Variants in CRTAP observed in about 807,000 individuals in gnomAD.
The protein encoded by CRTAP is cartilage associated protein.
CRTAP carries 33 observed loss-of-function variants against 42.7 expected under a neutral mutation model. The observed-to-expected ratio is 0.77, with a 90% confidence interval of 0.59 to 1.03. The LOEUF (loss-of-function observed/expected upper bound fraction) is 1.03. CRTAP is among the 50% of genes least tolerant of loss of function. CRTAP has a pLI of 0.00. For synonymous variants in CRTAP, 243 were observed against 217.7 expected, an observed-to-expected ratio of 1.12 and a Z score of -1.02; for missense variants, 613 against 533.9, an observed-to-expected ratio of 1.15 and a Z score of -1.46.
intron 1 of CRTAP, among the ~76,000 whole-genome samples, chr3:33,115,597 C>T (rs910737266): frequency 1.3e-5 from 2 of 152,114 alleles, no homozygotes; most frequent in African/African-American, 4.8e-5. Context: ...AGAGCCCTCT[C>T]AAAGCCCAGT....
intron 1 of CRTAP, among the ~76,000 whole-genome samples, chr3:33,116,137 C>T (rs1701340328): frequency 6.6e-6 from 1 of 152,090 alleles, no homozygotes; most frequent in East Asian, 1.9e-4. Flanking sequence ...CTAGAGAATA[C>T]TAGAACCTCT....
chr3:33,124,345 A>G, intron 2 of CRTAP, 63 bp from the exon 3 acceptor site: 1 of 1,604,818 alleles, frequency 6.2e-7, no homozygotes. Context: ...TCCCTTTGAG[A>G]TTTCATGACT....
chr3:33,114,511 G>A lies in CRTAP; in HGVS notation c.434G>A (p.Arg145His). The change falls in exon 1 of 7, where the codon CGC (arginine) becomes CAC (histidine). Residue 145 changes from arginine (R) to histidine (H), a missense_variant. Arg to His is a conservative substitution (Grantham distance 29, BLOSUM62 0). Transcript: ENST00000320954. Reference sequence around the variant, plus strand: ...GAGGTGCTGGCGGACTTCCAGCGCCGCGAGCCCTACAAGTTCCTGCAGTTC... The same window carrying A: ...GAGGTGCTGGCGGACTTCCAGCGCCACGAGCCCTACAAGTTCCTGCAGTTC... ...SREVLADFQR[R>H]EPYKFLQFAY... The A allele has an allele frequency of 6.2e-7, 1 of 1,603,758 alleles. No individual in the cohort carries two copies. The highest frequency in any genetic ancestry group is 8.5e-7 in the Non-Finnish European group (1 of 1,176,954).
Position 33,146,443 on chromosome 3 carries a change from C to G in CRTAP, c.*3995C>G, listed in dbSNP as rs1559439076. The G allele has an allele frequency of 6.6e-6, 1 of 152,318 alleles. No homozygotes were observed. Among genetic ancestry groups the G allele is most frequent in the Non-Finnish European group, 1.5e-5 (1 of 68,130 alleles). The allele number at this position is 152,318 out of a possible 1,614,324, so 9.4% of individuals were successfully genotyped here. ...ACTCCTTGTGGCCACTGCTACTGTTCACACTTGACTTGTGGAGAAGCGAAG... is the reference window on the plus strand; with the variant it reads ...ACTCCTTGTGGCCACTGCTACTGTTGACACTTGACTTGTGGAGAAGCGAAG... On this transcript the variant is annotated 3_prime_UTR_variant, in exon 7 of 7. Transcript: ENST00000320954.
At position 33,145,801 on chromosome 3, in the gene CRTAP, C is replaced by CACA. The variant is rs1394619493; in HGVS notation, c.*3354_*3355insCAA. On this transcript the variant is annotated 3_prime_UTR_variant, in exon 7 of 7. Transcript: ENST00000320954. This position sits in a 1 kb window ranked among gnomAD's most constrained non-coding sequence, Gnocchi z 4.3. ...GTGAGCCTGGGGTGAGCTCTCTGTA[C>CACA]ATGTTGTTGTTCCACGTATGGGTTG... 9.2e-5 allele frequency: 14 copies of CACA among 152,490 alleles called. No homozygotes were observed. Among genetic ancestry groups the CACA allele is most frequent in the African/African-American group, 2.7e-4 (11 of 41,500 alleles). 9.4% of individuals were successfully genotyped at this position (152,490 alleles called of 1,614,324 possible). A position where few individuals can be genotyped will look rare whatever the true frequency, so the allele number is the denominator to read the frequency against.
intron 6 of CRTAP, among the ~76,000 whole-genome samples, chr3:33,138,821 A>G (rs142613115): frequency 1.2e-4 from 18 of 152,260 alleles, no homozygotes; most frequent in African/African-American, 4.3e-4. Flanking sequence ...AGCCTGGGCA[A>G]CATAGCAAGA....
intron 6 of CRTAP, among the ~76,000 whole-genome samples, chr3:33,140,507 C>T (rs912553585): frequency 5.3e-5 from 8 of 152,148 alleles, no homozygotes; most frequent in Non-Finnish European, 1.2e-4. Context: ...CTTCCATTTT[C>T]CAAAGGACAT....
At chr3:33,137,763 A>G (rs1405642637) in intron 6 of CRTAP, among the ~76,000 whole-genome samples, 1 of 152,122 alleles carries the variant, frequency 6.6e-6, no homozygotes, top group Non-Finnish European at 1.5e-5. Context: ...TATCTAAGAA[A>G]CCATTGCCTA....
intron 3 of CRTAP, among the ~76,000 whole-genome samples, chr3:33,127,099 C>CTTTTTTTTT (rs11302536): frequency 7.4e-6 from 1 of 135,908 alleles, no homozygotes; most frequent in Non-Finnish European, 1.6e-5. Flanking sequence ...AGATTTGTGG[C>CTTTTTTTTT]TTTTTTTTTT....
At chr3:33,130,149 G>A (rs1011578001) in intron 4 of CRTAP, 82 bp downstream of exon 4, 162 of 1,415,364 alleles carry the variant, frequency 1.1e-4, no homozygotes, top group Middle Eastern at 1.8e-4. Flanking sequence ...TCTTAGCTAC[G>A]GTTGTTGAGA....
chr3:33,128,529 C>T (rs1206871500), intron 3 of CRTAP, among the ~76,000 whole-genome samples: 3 of 152,102 alleles, frequency 2.0e-5, no homozygotes, highest in Admixed American at 6.5e-5. Context: ...CAGGATATCA[C>T]GTCAAGATAT....
rs1185721606 is a variant in CRTAP at position 33,146,732 on chromosome 3, C to A, written c.*4284C>A. 2 of 152,118 alleles carry A rather than the reference C, an allele frequency of 1.3e-5. No individual in the cohort carries two copies. Among genetic ancestry groups the A allele is most frequent in the African/African-American group, 4.8e-5 (2 of 41,430 alleles). The allele number at this position is 152,118 out of a possible 1,614,324, so 9.4% of individuals were successfully genotyped here. ...TTAAGAGCACAAAAATTTTATTGAA[C>A]CCACCTTAGTGACAAACAGAAAATG... is the stretch of plus-strand genomic sequence containing the variant. On this transcript the variant is annotated 3_prime_UTR_variant, in exon 7 of 7. Transcript: ENST00000320954.
rs761355428 is a variant in CRTAP, at chr3:33,124,579, G to T, written c.793G>T (p.Asp265Tyr). ...DFKDFYLSIA[D>Y]HYVEVLECKI... is the part of the protein sequence containing the mutation. ...CAAGGATTTCTACCTTTCCATAGCA[G>T]GTTGGTGGTAGGTCAATAGGCTCAC... The change falls in exon 3 of 7, where the codon GAT becomes TAT. Residue 265 changes from aspartate to tyrosine, a missense_variant and splice_region_variant. Coordinates refer to ENST00000320954, the MANE Select transcript of CRTAP (RefSeq NM_006371.5). 3 of 1,614,210 alleles carry T rather than the reference G, an allele frequency of 1.9e-6. No homozygotes were observed. Among genetic ancestry groups the T allele is most frequent in the South Asian group, 2.2e-5 (2 of 91,078 alleles).
intron 2 of CRTAP, 77 bp from the exon 3 acceptor site, chr3:33,124,331 T>G: frequency 6.3e-7 from 1 of 1,578,746 alleles, no homozygotes. Flanking sequence ...GTGGTGGTCT[T>G]GGTTCCCTTT....
chr3:33,114,494 G>C lies in CRTAP; in HGVS notation c.417G>C (p.Leu139=), dbSNP rs762232251. 4.4e-6 allele frequency: 7 copies of C among 1,603,818 alleles called. 1 individual carries two copies. The South Asian group carries it at 7.8e-5, about 18-fold the overall frequency. ...FRQSQPSREV[L]ADFQRREPYK... ...AGTCCCAGCCCAGCCGCGAGGTGCT[G>C]GCGGACTTCCAGCGCCGCGAGCCCT... Residue 139 remains leucine (L), a synonymous_variant, in exon 1 of 7, where the codon CTG becomes CTC. Transcript: ENST00000320954.
rs111603077 is a variant in CRTAP, at chr3:33,142,736, C to T, written c.*288C>T. On this transcript the variant is annotated 3_prime_UTR_variant, in exon 7 of 7. Transcript: ENST00000320954. Reference sequence around the variant, plus strand: ...ATGGCACGTTCTCAGCTCACTGCAACCTCCGCCTCTTGGGTTCAAGCAATT... The same window carrying T: ...ATGGCACGTTCTCAGCTCACTGCAATCTCCGCCTCTTGGGTTCAAGCAATT... 563 of 350,504 alleles carry T rather than the reference C, an allele frequency of 1.6e-3. 4 individuals carry two copies. Among genetic ancestry groups the T allele is most frequent in the African/African-American group, 0.011 (528 of 48,536 alleles). 21.7% of individuals were successfully genotyped at this position (350,504 alleles called of 1,614,324 possible). A position where few individuals can be genotyped will look rare whatever the true frequency, so the allele number is the denominator to read the frequency against.
chr3:33,121,668 G>C (rs2029881096), intron 2 of CRTAP, among the ~76,000 whole-genome samples: 1 of 152,126 alleles, frequency 6.6e-6, no homozygotes, highest in Admixed American at 6.5e-5. Context: ...TGGGGAGAGG[G>C]ACAGGGTCAC....
chr3:33,118,685 T>C (rs757627829), intron 1 of CRTAP, among the ~76,000 whole-genome samples: 27 of 152,252 alleles, frequency 1.8e-4, no homozygotes, highest in Admixed American at 6.5e-4. Context: ...CTGGATTGGC[T>C]GAGTCTCTGT....
At chr3:33,130,525 C>CTTTTTTTTTTTTT (rs765558103) in intron 4 of CRTAP, among the ~76,000 whole-genome samples, 141 of 55,238 alleles carry the variant, frequency 2.6e-3, no homozygotes, top group Non-Finnish European at 3.1e-3. Context: ...CTTTTCTTTT[C>CTTTTTTTTTTTTT]TTTTTTTTTT....
Sources: allele counts gnomAD v4.1 joint callset (sites outside exome capture counted in the v4.1 genomes callset), GRCh38; gene constraint gnomAD v4.1.1; non-coding constraint Gnocchi (gnomAD v3.1); transcripts MANE v1.5; gene names NCBI Gene and HGNC (gene_info 2026-07-23, HGNC 2026-07-21).